PTPN1: variants seen among roughly 807,000 people sequenced by gnomAD.
PTPN1 encodes protein tyrosine phosphatase non-receptor type 1, also known as tyrosine-protein phosphatase non-receptor type 1.
In PTPN1, 12 loss-of-function variants were observed where a neutral mutation model predicts 59.9. The observed-to-expected ratio is 0.20, with a 90% CI of 0.13 to 0.32. PTPN1 has a LOEUF of 0.32. Among genes scored for constraint, PTPN1 ranks in the 10% least tolerant of loss-of-function variants. The probability of loss-of-function intolerance (pLI) is 1.00; values close to 1 mark genes in which losing one functional copy is unlikely to be tolerated. For synonymous variants in PTPN1, 178 were observed against 203.6 expected (o/e 0.87, Z 1.07); for missense variants, 356 against 549.2 (o/e 0.65, Z 3.52).
At chr20:50,574,447 G>C in intron 4 of PTPN1, 70 bp from the exon 5 acceptor site, 1 of 1,440,868 alleles carries the variant, frequency 6.9e-7, no homozygotes, top group South Asian at 1.4e-5. Context: ...TGTGGGATGT[G>C]CTCCAAGCCT....
intron 1 of PTPN1, among the ~76,000 whole-genome samples, chr20:50,536,412 C>G (rs1424632569): frequency 2.0e-5 from 3 of 152,066 alleles, no homozygotes; most frequent in Non-Finnish European, 4.4e-5. Context: ...AACAGTCACA[C>G]AAATGATTAA....
chr20:50,513,355 C>A (rs962280278), intron 1 of PTPN1, among the ~76,000 whole-genome samples: 2 of 151,898 alleles, frequency 1.3e-5, no homozygotes, highest in African/African-American at 4.8e-5. Flanking sequence ...GAGAATGAGC[C>A]CAGATGAGGA....
At chr20:50,559,181 G>A (rs1446798628) in intron 1 of PTPN1, among the ~76,000 whole-genome samples, 5 of 151,932 alleles carry the variant, frequency 3.3e-5, no homozygotes, top group East Asian at 3.9e-4. Context: ...ACAGGTGCCC[G>A]CCACCACGCC....
intron 4 of PTPN1, among the ~76,000 whole-genome samples, chr20:50,569,023 C>T (rs1231266175): frequency 2.6e-5 from 4 of 152,170 alleles, no homozygotes; most frequent in Non-Finnish European, 5.9e-5. Context: ...TTCAAACACC[C>T]CTCGGGCTAG....
rs531037577 is a variant in PTPN1, at chr20:50,568,853, A to G, written c.354+375A>G. Among the ~76,000 whole-genome samples the G allele has an allele frequency of 6.6e-5, 10 of 152,138 alleles. No individual in the cohort carries two copies. The East Asian group carries it at 1.9e-3, about 29-fold the overall frequency. ...TCTTAGTGCATCTTCATGGTGTCTG[A>G]TTTTTTGGCTGGTGAGAGTGTGGCT... is the stretch of plus-strand genomic sequence containing the variant. On this transcript the variant is annotated intron_variant, in intron 4 of 9. Transcript: ENST00000371621. This position sits in a 1 kb window ranked among gnomAD's most constrained non-coding sequence, Gnocchi z 5.6.
intron 4 of PTPN1, chr20:50,570,952 A>G (rs145628655): frequency 1.6e-4 from 24 of 152,396 alleles, no homozygotes; most frequent in African/African-American, 5.3e-4. Context: ...CAAGACATTT[A>G]TTCAGAAATT....
intron 2 of PTPN1, among the ~76,000 whole-genome samples, chr20:50,562,264 C>T (rs2082756308): frequency 1.3e-5 from 2 of 152,162 alleles, no homozygotes; most frequent in African/African-American, 4.8e-5. Flanking sequence ...GTCATTCCTC[C>T]AGTGGGCACT....
At chr20:50,574,682 C>T in intron 5 of PTPN1, 28 bp downstream of exon 5, 1 of 1,580,298 alleles carries the variant, frequency 6.3e-7, no homozygotes, top group Non-Finnish European at 8.6e-7. Flanking sequence ...TTCAGCACTT[C>T]AGGCGGCTAC....
rs1211904766 is a variant in PTPN1 at position 50,582,036 on chromosome 20, G to A, written c.1284+576G>A. Among the ~76,000 whole-genome samples the A allele has an allele frequency of 6.6e-6, 1 of 152,248 alleles. No individual in the cohort carries two copies. The highest frequency in any genetic ancestry group is 6.5e-5 in the Admixed American group (1 of 15,292). On this transcript the variant is annotated intron_variant, in intron 9 of 9. Coordinates refer to ENST00000371621, the MANE Select transcript of PTPN1 (RefSeq NM_002827.4). The surrounding 1 kb of genome is among the most constrained non-coding windows in gnomAD (Gnocchi z 4.2). ...CCTCAGCTGTGTGCACACTGAGCCA[G>A]GACAGGGTCTTTGAGCTTTCCCACT...
intron 1 of PTPN1, among the ~76,000 whole-genome samples, chr20:50,528,558 A>G (rs911458129): frequency 1.2e-4 from 18 of 152,070 alleles, no homozygotes; most frequent in African/African-American, 4.3e-4. Context: ...TACTAAAAAT[A>G]CAAAAATTAG....
chr20:50,513,342 G>A (rs1489533664), intron 1 of PTPN1, among the ~76,000 whole-genome samples: 2 of 152,152 alleles, frequency 1.3e-5, no homozygotes, highest in African/African-American at 4.8e-5. Flanking sequence ...CTGTCTAAGA[G>A]GAGAGAATGA....
intron 1 of PTPN1, among the ~76,000 whole-genome samples, chr20:50,557,398 G>A (rs1434408450): frequency 6.6e-6 from 1 of 152,012 alleles, no homozygotes; most frequent in Non-Finnish European, 1.5e-5. Context: ...ACCATGCCCA[G>A]CTCAAAATGT....
At chr20:50,514,903 A>G (rs1358151773) in intron 1 of PTPN1, among the ~76,000 whole-genome samples, 2 of 152,224 alleles carry the variant, frequency 1.3e-5, no homozygotes, top group African/African-American at 4.8e-5. Flanking sequence ...ACTTTGGAGT[A>G]GTTGGTGATT....
intron 1 of PTPN1, among the ~76,000 whole-genome samples, chr20:50,548,928 G>A (rs916757407): frequency 6.6e-6 from 1 of 152,200 alleles, no homozygotes; most frequent in African/African-American, 2.4e-5. Context: ...CTGTTGGCCA[G>A]GCTGGTCTTG....
At chr20:50,576,334 T>G (rs2122799319) in intron 5 of PTPN1, among the ~76,000 whole-genome samples, 1 of 152,340 alleles carries the variant, frequency 6.6e-6, no homozygotes, top group African/African-American at 2.4e-5. Flanking sequence ...CGCTTTTTGC[T>G]TGGCAGAGTG....
chr20:50,519,865 G>T (rs1003533803), intron 1 of PTPN1, among the ~76,000 whole-genome samples: 1 of 152,186 alleles, frequency 6.6e-6, no homozygotes, highest in African/African-American at 2.4e-5. Context: ...TCATAAGGAA[G>T]TGATAAGTAT....
chr20:50,524,905 C>A (rs948004202), intron 1 of PTPN1, among the ~76,000 whole-genome samples: 3 of 151,542 alleles, frequency 2.0e-5, no homozygotes, highest in Admixed American at 1.3e-4. Context: ...TCTCAGTACA[C>A]AGATAGCTTT....
intron 4 of PTPN1, 41 bp from the exon 5 acceptor site, chr20:50,574,476 C>T (rs1420376805): frequency 1.9e-6 from 3 of 1,540,646 alleles, no homozygotes; most frequent in Admixed American, 2.2e-5. Flanking sequence ...AGAAAAACTG[C>T]CATATTGCTC....
At chr20:50,515,247 C>T (rs2082524032) in intron 1 of PTPN1, among the ~76,000 whole-genome samples, 1 of 152,206 alleles carries the variant, frequency 6.6e-6, no homozygotes, top group African/African-American at 2.4e-5. Flanking sequence ...CAGCGTTCTC[C>T]AAACTCATCC....
Sources: allele counts gnomAD v4.1 joint callset (sites outside exome capture counted in the v4.1 genomes callset), GRCh38; gene constraint gnomAD v4.1.1; non-coding constraint Gnocchi (gnomAD v3.1); transcripts MANE v1.5; gene names NCBI Gene and HGNC (gene_info 2026-07-23, HGNC 2026-07-21).